Variants in C1QTNF7 observed in about 807,000 individuals in gnomAD.
C1QTNF7 encodes complement C1q tumor necrosis factor-related protein 7.
Under a neutral mutation model 19.6 loss-of-function variants are expected in C1QTNF7, and 15 were observed. That is an observed-to-expected ratio of 0.76 (90% CI 0.51 to 1.18). The LOEUF (loss-of-function observed/expected upper bound fraction) is 1.18. Ranked by LOEUF, C1QTNF7 falls within the 50% of genes most tolerant of loss-of-function variation. The pLI, the probability that C1QTNF7 is intolerant of heterozygous loss-of-function variation, is 0.00. For synonymous variants in C1QTNF7, 142 were observed against 137.5 expected (o/e 1.03, Z -0.23); for missense variants, 324 against 359.7 (o/e 0.90, Z 0.80).
In C1QTNF7 at chr4:15,350,734, G is replaced by A. The variant is rs971117249; in HGVS notation, c.13+10527G>A. ...TATCAAGCTGAACCAGAGAGACTGT[G>A]GTTGTCCAAGCAGATGAAACCTATT... On this transcript the variant is annotated intron_variant, in intron 1 of 2. Transcript: ENST00000295297. Among the ~76,000 whole-genome samples, 8 of 152,288 alleles carry A rather than the reference G, an allele frequency of 5.3e-5. No homozygotes were observed. In the South Asian group the frequency reaches 1.7e-3, roughly 32 times the overall value.
At chr4:15,385,602 A>C (rs4698376) in intron 1 of C1QTNF7, among the ~76,000 whole-genome samples, 37,753 of 152,086 alleles carry the variant, frequency 0.25, 7,866 homozygotes, top group African/African-American at 0.56. Context: ...ACACTTTGAG[A>C]TCTATCCTGG....
chr4:15,419,780 T>A (rs1711661367), intron 1 of C1QTNF7: 1 of 152,044 alleles, frequency 6.6e-6, no homozygotes, highest in African/African-American at 2.4e-5. Flanking sequence ...AGGAAAAATA[T>A]TAGAAGGAAA....
chr4:15,408,081 A>G (rs1252049363), intron 1 of C1QTNF7, among the ~76,000 whole-genome samples: 1 of 152,110 alleles, frequency 6.6e-6, no homozygotes, highest in African/African-American at 2.4e-5. Context: ...AGCCTGGCCA[A>G]TATGGTGAAA....
At position 15,443,692 on chromosome 4, in the gene C1QTNF7, C is replaced by T. The variant is rs1712880619; in HGVS notation, c.*893C>T. ...TGAAAAATCTAGAGACAGAGGAGGC[C>T]TGGCAGGGGTGATAAAAATGGAGAT... On this transcript the variant is annotated 3_prime_UTR_variant, in exon 3 of 3. Transcript: ENST00000444304. The T allele has an allele frequency of 6.6e-6, 1 of 152,116 alleles. No individual in the cohort carries two copies. Among genetic ancestry groups the T allele is most frequent in the Non-Finnish European group, 1.5e-5 (1 of 68,020 alleles). 9.4% of individuals were successfully genotyped at this position (152,116 alleles called of 1,614,324 possible).
intron 1 of C1QTNF7, among the ~76,000 whole-genome samples, chr4:15,368,752 C>T (rs917463414): frequency 3.9e-5 from 6 of 152,172 alleles, no homozygotes; most frequent in South Asian, 4.1e-4. Context: ...AATAAACATA[C>T]GTGTGCATGT....
chr4:15,399,858 C>T (rs572554931), intron 1 of C1QTNF7, among the ~76,000 whole-genome samples: 4 of 152,340 alleles, frequency 2.6e-5, no homozygotes, highest in African/African-American at 9.6e-5. Flanking sequence ...TGAAGCCAGG[C>T]ATTGCTCCAG....
chr4:15,411,091 T>A (rs1227997731), intron 1 of C1QTNF7, among the ~76,000 whole-genome samples: 1 of 152,242 alleles, frequency 6.6e-6, no homozygotes, highest in African/African-American at 2.4e-5. Context: ...CTTCCATTAT[T>A]GCAAGGAGTC....
chr4:15,431,262 T>C (rs1712295223), intron 1 of C1QTNF7, among the ~76,000 whole-genome samples: 1 of 152,160 alleles, frequency 6.6e-6, no homozygotes, highest in South Asian at 2.1e-4. Context: ...TAGGTGTCAA[T>C]ACAGAAGCTA....
chr4:15,438,624 T>G (rs557987202), intron 2 of C1QTNF7, among the ~76,000 whole-genome samples: 1 of 152,212 alleles, frequency 6.6e-6, no homozygotes, highest in Admixed American at 6.5e-5. Context: ...TACTGTAGCA[T>G]AATATTAACA....
intron 1 of C1QTNF7, among the ~76,000 whole-genome samples, chr4:15,356,368 T>C (rs1006347754): frequency 1.4e-5 from 2 of 147,982 alleles, no homozygotes; most frequent in African/African-American, 4.9e-5. Flanking sequence ...TCTGTTCCTG[T>C]GTTAGTTTGC....
intron 1 of C1QTNF7, among the ~76,000 whole-genome samples, chr4:15,354,420 A>C (rs1479637332): frequency 6.6e-6 from 1 of 152,108 alleles, no homozygotes; most frequent in African/African-American, 2.4e-5. Context: ...GAAGCTGACC[A>C]TGTGTGGGGG....
intron 1 of C1QTNF7, among the ~76,000 whole-genome samples, chr4:15,345,443 A>T (rs2109281119): frequency 6.6e-6 from 1 of 152,292 alleles, no homozygotes; most frequent in Middle Eastern, 3.4e-3. Flanking sequence ...ACCGACCCCC[A>T]GTCTTTCCAG....
exon 1 of C1QTNF7, chr4:15,340,114 A>C: frequency 6.8e-7 from 1 of 1,474,308 alleles, no homozygotes; most frequent in Non-Finnish European, 9.3e-7. Flanking sequence ...TTTCTGCTTT[A>C]AATTTTTAAT....
intron 1 of C1QTNF7, among the ~76,000 whole-genome samples, chr4:15,422,606 C>G (rs183118699): frequency 6.6e-6 from 1 of 151,622 alleles, no homozygotes; most frequent in Non-Finnish European, 1.5e-5. Context: ...TTAAAACTTT[C>G]GATAATTTTT....
At chr4:15,394,345 T>G (rs1332141422) in intron 1 of C1QTNF7, among the ~76,000 whole-genome samples, 1 of 152,228 alleles carries the variant, frequency 6.6e-6, no homozygotes, top group East Asian at 1.9e-4. Flanking sequence ...ACAACCAAAA[T>G]GTGCCCAGTA....
intron 2 of C1QTNF7, among the ~76,000 whole-genome samples, chr4:15,440,023 TATAC>T (rs1712689194): frequency 6.6e-6 from 1 of 151,976 alleles, no homozygotes; most frequent in Non-Finnish European, 1.5e-5. Flanking sequence ...TAATGTGTTA[TATAC>T]ATAAACTATT....
At chr4:15,372,711 CAAAAATAAAGACATTCCCA>C (rs1379132498) in intron 1 of C1QTNF7, among the ~76,000 whole-genome samples, 2 of 152,146 alleles carry the variant, frequency 1.3e-5, no homozygotes, top group Non-Finnish European at 2.9e-5. Context: ...ATGGCTACTT[CAAAAATAAAGACATTCCCA>C]TTTGTGTCAA....
chr4:15,384,516 A>G (rs939857726), intron 1 of C1QTNF7, among the ~76,000 whole-genome samples: 2 of 152,178 alleles, frequency 1.3e-5, no homozygotes, highest in South Asian at 2.1e-4. Context: ...CTGACCACAC[A>G]TATTCTCTTT....
chr4:15,410,105 A>G (rs1317583770), intron 1 of C1QTNF7, among the ~76,000 whole-genome samples: 1 of 152,218 alleles, frequency 6.6e-6, no homozygotes, highest in East Asian at 1.9e-4. Context: ...TGCCGTTAGC[A>G]CTAATCCAGG....
Sources: gnomAD v4.1 joint callset for allele counts (sites outside exome capture counted in the v4.1 genomes callset) on GRCh38, gnomAD v4.1.1 for gene constraint, MANE v1.5 for transcripts, NCBI Gene and HGNC (gene_info 2026-07-23, HGNC 2026-07-21) for gene names.